The following ATAD1 variants were observed in gnomAD, a reference collection of about 807,000 sequenced individuals.
ATAD1 encodes the protein outer mitochondrial transmembrane helix translocase.
A neutral mutation model predicts 42.7 loss-of-function variants in ATAD1; 18 were observed. The ratio of observed to expected loss-of-function variants is 0.42; its 90% confidence interval spans 0.29 to 0.63. The LOEUF (loss-of-function observed/expected upper bound fraction) is 0.63, where lower values mean the gene tolerates loss of function less well. Among genes scored for constraint, ATAD1 ranks in the 20% least tolerant of loss-of-function variants. The pLI is 0.19. For missense variants in ATAD1, 294 were observed against 440.4 expected (o/e 0.67, Z 2.98); for synonymous variants, 132 against 143.1 (o/e 0.92, Z 0.55).
At chr10:87,834,562 T>C (rs573494496) in intron 1 of ATAD1, among the ~76,000 whole-genome samples, 1 of 152,184 alleles carries the variant, frequency 6.6e-6, no homozygotes, top group African/African-American at 2.4e-5. Context: ...CATATTTATG[T>C]GTGTTGAGTT....
chr10:87,786,045 T>C (rs553236223), intron 4 of ATAD1, among the ~76,000 whole-genome samples: 2 of 152,326 alleles, frequency 1.3e-5, no homozygotes, highest in South Asian at 2.1e-4. Flanking sequence ...CAGTTATAAT[T>C]TGAATCTTCT....
chr10:87,799,632 T>G (rs1856584839), intron 2 of ATAD1, among the ~76,000 whole-genome samples: 4 of 152,170 alleles, frequency 2.6e-5, no homozygotes. Context: ...CTTTAAATGA[T>G]GACCATTACA....
chr10:87,811,533 A>G (rs1211469199), intron 2 of ATAD1, among the ~76,000 whole-genome samples: 1 of 152,114 alleles, frequency 6.6e-6, no homozygotes, highest in African/African-American at 2.4e-5. Context: ...GCTGCATTAC[A>G]CCACCTCTTT....
intron 2 of ATAD1, among the ~76,000 whole-genome samples, chr10:87,804,300 A>G (rs1388625735): frequency 6.6e-6 from 1 of 152,214 alleles, no homozygotes; most frequent in Non-Finnish European, 1.5e-5. Flanking sequence ...CTTTCTGTGT[A>G]TAACTCGTGT....
At chr10:87,811,043 G>A (rs769815660) in intron 2 of ATAD1, among the ~76,000 whole-genome samples, 98 of 152,042 alleles carry the variant, frequency 6.4e-4, no homozygotes, top group Admixed American at 1.8e-3. Flanking sequence ...ATGCCTTTAA[G>A]ATTTTTAGGC....
chr10:87,792,629 AATCTT>A, intron 3 of ATAD1, 23 bp downstream of exon 3: 20 of 1,498,268 alleles, frequency 1.3e-5, no homozygotes, highest in South Asian at 2.3e-5. Context: ...CCTCTAAAAA[AATCTT>A]AAATAAGATT....
intron 8 of ATAD1, among the ~76,000 whole-genome samples, chr10:87,762,272 G>C (rs1225562488): frequency 6.6e-6 from 1 of 152,112 alleles, no homozygotes; most frequent in East Asian, 1.9e-4. Context: ...TTAAATAACT[G>C]TATTGGTTAA....
chr10:87,784,870 T>G, intron 4 of ATAD1, among the ~76,000 whole-genome samples, 200 bp from the exon 5 acceptor site: 1 of 152,192 alleles, frequency 6.6e-6, no homozygotes, highest in East Asian at 1.9e-4. Context: ...GAGCATGTAT[T>G]TGGGGATTAC....
intron 1 of ATAD1, among the ~76,000 whole-genome samples, chr10:87,825,210 A>G (rs1480258684): frequency 6.6e-6 from 1 of 152,176 alleles, no homozygotes; most frequent in African/African-American, 2.4e-5. Context: ...TTGCACAAGA[A>G]AAATTAATTT....
At chr10:87,809,804 G>A (rs149713022) in intron 2 of ATAD1, among the ~76,000 whole-genome samples, 2,417 of 151,828 alleles carry the variant, frequency 0.016, 30 homozygotes, top group Middle Eastern at 0.027. Flanking sequence ...ATGCCACCAC[G>A]CCCGGCTAAT....
In ATAD1 at chr10:87,752,767, G is replaced by A. The variant is rs1854067074; in HGVS notation, c.*1920C>T. 6.6e-6 allele frequency: 1 copy of A among 152,102 alleles called. No individual in the cohort carries two copies. Among genetic ancestry groups the A allele is most frequent in the Non-Finnish European group, 1.5e-5 (1 of 68,016 alleles). The allele number at this position is 152,102 out of a possible 1,614,324, so 9.4% of individuals were successfully genotyped here. On this transcript the variant is annotated 3_prime_UTR_variant, in exon 10 of 10. Transcript: ENST00000680024. Reference sequence around the variant, plus strand: ...TTATGGTCTTAACATGCCTAGATGAGTCATAGTTGCTGGGATTAGTATACT... The same window carrying A: ...TTATGGTCTTAACATGCCTAGATGAATCATAGTTGCTGGGATTAGTATACT...
At chr10:87,784,776 C>A in intron 4 of ATAD1, 106 bp from the exon 5 acceptor site, 1 of 1,020,758 alleles carries the variant, frequency 9.8e-7, no homozygotes, top group Non-Finnish European at 1.4e-6. Context: ...TCCCAATATT[C>A]AATTCTGCTT....
chr10:87,810,240 A>C (rs1288699633), intron 2 of ATAD1, among the ~76,000 whole-genome samples: 1 of 151,864 alleles, frequency 6.6e-6, no homozygotes, highest in Non-Finnish European at 1.5e-5. Context: ...CACTATAGCC[A>C]GGAAATGTTA....
intron 6 of ATAD1, 125 bp from the exon 7 acceptor site, chr10:87,771,166 A>G: frequency 3.2e-6 from 2 of 626,132 alleles, no homozygotes; most frequent in South Asian, 5.3e-5. Context: ...AAGAAATCTG[A>G]TTTTAAATCA....
intron 1 of ATAD1, among the ~76,000 whole-genome samples, chr10:87,838,265 G>T (rs186803144): frequency 6.6e-6 from 1 of 152,024 alleles, no homozygotes; most frequent in Non-Finnish European, 1.5e-5. Flanking sequence ...GGTGGCTCAC[G>T]CCCTTAATCC....
chr10:87,800,459 A>G (rs1158970003), intron 2 of ATAD1, among the ~76,000 whole-genome samples: 2 of 152,096 alleles, frequency 1.3e-5, no homozygotes, highest in African/African-American at 4.8e-5. Context: ...TGAATATCCA[A>G]AGGAAATGTT....
At chr10:87,769,495 T>G (rs568141601) in intron 7 of ATAD1, among the ~76,000 whole-genome samples, 207 of 152,328 alleles carry the variant, frequency 1.4e-3, no homozygotes, top group African/African-American at 4.7e-3. Flanking sequence ...CATCAACATC[T>G]CAGGCTCTCA....
chr10:87,759,807 T>C (rs1477172869), intron 8 of ATAD1: 1 of 455,010 alleles, frequency 2.2e-6, no homozygotes, highest in Non-Finnish European at 4.4e-6. Context: ...AGGACTAATA[T>C]GTACTCCTTA....
At chr10:87,759,485 C>T (rs778896535) in intron 8 of ATAD1, among the ~76,000 whole-genome samples, 24 of 152,226 alleles carry the variant, frequency 1.6e-4, no homozygotes, top group Admixed American at 3.3e-4. Flanking sequence ...AAGAGCTTTC[C>T]AAACTATACT....
Sources: allele counts gnomAD v4.1 joint callset (sites outside exome capture counted in the v4.1 genomes callset), GRCh38; gene constraint gnomAD v4.1.1; transcripts MANE v1.5; gene names NCBI Gene and HGNC (gene_info 2026-07-23, HGNC 2026-07-21).